The following PGBD5 variants were observed in gnomAD, a reference collection of about 807,000 sequenced individuals.
PGBD5 encodes piggyBac transposable element-derived protein 5.
A neutral mutation model predicts 47.9 loss-of-function variants in PGBD5; 14 were observed. That is an observed-to-expected ratio of 0.29 (90% confidence interval 0.19 to 0.46). PGBD5 has a LOEUF of 0.46. PGBD5 is among the 20% of genes least tolerant of loss of function. The pLI, the probability that PGBD5 is intolerant of heterozygous loss-of-function variation, is 1.00. For synonymous variants in PGBD5, 316 were observed against 306.3 expected, an observed-to-expected ratio of 1.03 and a Z score of -0.33; for missense variants, 635 against 716.0, an observed-to-expected ratio of 0.89 and a Z score of 1.29.
chr1:230,360,654 C>A (rs568103308), intron 1 of PGBD5, among the ~76,000 whole-genome samples: 2 of 152,162 alleles, frequency 1.3e-5, no homozygotes, highest in Admixed American at 6.5e-5. Context: ...CTTCCCCTTC[C>A]GCCATGATTG....
chr1:230,418,391 G>A (rs893853971), intron 1 of PGBD5, among the ~76,000 whole-genome samples: 3 of 152,176 alleles, frequency 2.0e-5, no homozygotes, highest in African/African-American at 7.2e-5. Context: ...GAATCTTACA[G>A]GTAAAACAAT....
At chr1:230,412,779 G>A (rs1434123293) in intron 1 of PGBD5, among the ~76,000 whole-genome samples, 1 of 152,192 alleles carries the variant, frequency 6.6e-6, no homozygotes, top group African/African-American at 2.4e-5. Flanking sequence ...TCTCAGGGGT[G>A]GAGGTGGAAG....
intron 1 of PGBD5, among the ~76,000 whole-genome samples, chr1:230,423,898 C>T (rs981204640): frequency 2.6e-5 from 4 of 152,160 alleles, no homozygotes; most frequent in South Asian, 2.1e-4. Flanking sequence ...TCTTCATGAC[C>T]GTAAGTGCTG....
intron 4 of PGBD5, chr1:230,336,233 C>A (rs1312243151): frequency 2.6e-5 from 4 of 152,202 alleles, no homozygotes; most frequent in Non-Finnish European, 1.5e-5. Flanking sequence ...ATTCTTCCAA[C>A]AAATAACTAT....
intron 3 of PGBD5, among the ~76,000 whole-genome samples, chr1:230,339,624 A>C (rs1007880484): frequency 1.3e-5 from 2 of 148,674 alleles, no homozygotes; most frequent in South Asian, 4.5e-4. Flanking sequence ...TCAGTGGATA[A>C]GTGGATAAAG....
Position 230,340,925 on chromosome 1 carries a change from G to A in PGBD5, c.895-3637C>T, listed in dbSNP as rs186102309. 7.0e-3 allele frequency among the ~76,000 whole-genome samples: 1,071 copies of A among 152,200 alleles called. 6 individuals are homozygous for A. The highest frequency in any genetic ancestry group is 0.012 in the Non-Finnish European group (811 of 68,012). On this transcript the variant is annotated intron_variant, in intron 3 of 6. Transcript: ENST00000391860. ...CTGCCATTTTTCCAGACTCCAGCCA[G>A]CCTCTTCTGAAGAAGTGGACGCTCA...
At chr1:230,324,290 G>T (rs1188681098) in intron 6 of PGBD5, among the ~76,000 whole-genome samples, 1 of 152,228 alleles carries the variant, frequency 6.6e-6, no homozygotes, top group Admixed American at 6.5e-5. Flanking sequence ...CACAGAGCAG[G>T]CACGACAGAC....
chr1:230,383,263 A>G (rs1656556765), intron 1 of PGBD5, among the ~76,000 whole-genome samples: 2 of 151,994 alleles, frequency 1.3e-5, no homozygotes, highest in African/African-American at 2.4e-5. Context: ...TTGTAGAGAC[A>G]GGGTCTCACT....
chr1:230,401,185 T>C (rs868361451), intron 1 of PGBD5, among the ~76,000 whole-genome samples: 1 of 152,306 alleles, frequency 6.6e-6, no homozygotes, highest in South Asian at 2.1e-4. Context: ...TGGTGGGAGT[T>C]AAGGACGCTG....
intron 4 of PGBD5, among the ~76,000 whole-genome samples, chr1:230,334,643 T>C (rs1667274272): frequency 6.6e-6 from 1 of 152,168 alleles, no homozygotes; most frequent in Non-Finnish European, 1.5e-5. Flanking sequence ...ATCTGTGTCC[T>C]GAGGAGGCAC....
intron 1 of PGBD5, among the ~76,000 whole-genome samples, chr1:230,375,991 A>C (rs573024562): frequency 2.0e-5 from 3 of 151,638 alleles, no homozygotes; most frequent in Non-Finnish European, 4.4e-5. Flanking sequence ...GAGTGAGCGC[A>C]TATCAGCACG....
At chr1:230,334,926 G>C (rs970843350) in intron 4 of PGBD5, among the ~76,000 whole-genome samples, 2 of 151,706 alleles carry the variant, frequency 1.3e-5, no homozygotes, top group Non-Finnish European at 2.9e-5. Context: ...CACAGGAGCA[G>C]CACACTCAGC....
At chr1:230,379,237 T>C (rs1333221724) in intron 1 of PGBD5, among the ~76,000 whole-genome samples, 1 of 152,080 alleles carries the variant, frequency 6.6e-6, no homozygotes, top group Non-Finnish European at 1.5e-5. Flanking sequence ...CAGCACCCCA[T>C]TCACTTAGTA....
chr1:230,375,495 C>G (rs1210348509), intron 1 of PGBD5, among the ~76,000 whole-genome samples: 1 of 152,088 alleles, frequency 6.6e-6, no homozygotes, highest in African/African-American at 2.4e-5. Flanking sequence ...GGTCCTAAAC[C>G]CAGAATGCAG....
rs138655505 is a variant in PGBD5 at position 230,367,294 on chromosome 1, T to C, written c.332-9973A>G. ...CCGATGCCCCCAACGTGCCAAACCA[T>C]GTACCATGGCACACGTCCTCCTGCC... On this transcript the variant is annotated intron_variant, in intron 1 of 6. Coordinates refer to ENST00000391860, the MANE Select transcript of PGBD5 (RefSeq NM_001258311.2). Among the ~76,000 whole-genome samples the C allele has an allele frequency of 2.1e-3, 324 of 152,048 alleles. 1 individual carries two copies. Among genetic ancestry groups the C allele is most frequent in the Middle Eastern group, 0.01 (3 of 294 alleles).
At chr1:230,399,001 A>T (rs1197892909) in intron 1 of PGBD5, among the ~76,000 whole-genome samples, 4 of 151,912 alleles carry the variant, frequency 2.6e-5, no homozygotes, top group Non-Finnish European at 5.9e-5. Context: ...CCTTTTCCCC[A>T]CAAAATTCAA....
At position 230,316,577 on chromosome 1, in the gene PGBD5, T is replaced by C. The variant is rs10864740; in HGVS notation, c.*6848A>G. On this transcript the variant is annotated 3_prime_UTR_variant, in exon 7 of 7. Transcript: ENST00000391860. ...TCTAGAGAAAGAACTAGTCAAAAAG[T>C]GAAAAATCCTCATCTGCCCAATTAT... is the stretch of plus-strand genomic sequence containing the variant. 0.94 allele frequency: 143,546 copies of C among 152,174 alleles called. 67,898 individuals are homozygous for C. The highest frequency in any genetic ancestry group is 0.99 in the South Asian group (4,761 of 4,828). The allele number at this position is 152,174 out of a possible 1,614,324, so 9.4% of individuals were successfully genotyped here. A position where few individuals can be genotyped will look rare whatever the true frequency, so the allele number is the denominator to read the frequency against.
intron 2 of PGBD5, among the ~76,000 whole-genome samples, chr1:230,351,998 T>C (rs1161910677): frequency 6.6e-6 from 1 of 152,200 alleles, no homozygotes; most frequent in African/African-American, 2.4e-5. Context: ...CTTCCCTCCC[T>C]GATCCTATCT....
intron 1 of PGBD5, among the ~76,000 whole-genome samples, chr1:230,412,387 C>CTTTTTTT (rs34303231): frequency 7.8e-6 from 1 of 127,668 alleles, no homozygotes; most frequent in Non-Finnish European, 1.6e-5. Flanking sequence ...ATCCTAAAGT[C>CTTTTTTT]TTTTTTTTTT....
Sources: gnomAD v4.1 joint callset for allele counts (sites outside exome capture counted in the v4.1 genomes callset) on GRCh38, gnomAD v4.1.1 for gene constraint, MANE v1.5 for transcripts, NCBI Gene and HGNC (gene_info 2026-07-23, HGNC 2026-07-21) for gene names.